The following ARHGAP42 variants were observed in gnomAD, a reference collection of about 807,000 sequenced individuals.
ARHGAP42 encodes the protein rho GTPase-activating protein 42.
Under a neutral mutation model 125.0 loss-of-function variants are expected in ARHGAP42, and 63 were observed. The ratio of observed to expected loss-of-function variants is 0.50; its 90% CI spans 0.41 to 0.62. The LOEUF (loss-of-function observed/expected upper bound fraction) is 0.62. ARHGAP42 is among the 20% of genes least tolerant of loss of function. The pLI is 0.00. For missense variants in ARHGAP42, 766 were observed against 1,024.2 expected, an observed-to-expected ratio of 0.75 and a Z score of 3.44; for synonymous variants, 339 against 351.0, an observed-to-expected ratio of 0.97 and a Z score of 0.38.
intron 3 of ARHGAP42, chr11:100,840,772 A>G (rs1864927684): frequency 6.6e-6 from 1 of 152,208 alleles, no homozygotes; most frequent in South Asian, 2.1e-4. Flanking sequence ...TCTTAATAAT[A>G]TATAGAAGTG....
chr11:100,896,529 T>C (rs1866369693), intron 4 of ARHGAP42, among the ~76,000 whole-genome samples: 1 of 152,218 alleles, frequency 6.6e-6, no homozygotes, highest in African/African-American at 2.4e-5. Context: ...ATGATTGCCA[T>C]TCTAACTGGT....
chr11:100,962,486 T>A lies in ARHGAP42; in HGVS notation c.1444+19T>A, dbSNP rs1261847137. 23 of 1,522,162 alleles carry A rather than the reference T, an allele frequency of 1.5e-5. No individual in the cohort carries two copies. The highest frequency in any genetic ancestry group is 2.8e-5 in the African/African-American group (2 of 72,416). 94.3% of individuals were successfully genotyped at this position (1,522,162 alleles called of 1,614,324 possible). A position where few individuals can be genotyped will look rare whatever the true frequency, so the allele number is the denominator to read the frequency against. ...GCTGTTAGTAAGTATACTTGCATCA[T>A]ATACACATTATAATTGATGTAGTTT... On this transcript the variant is annotated intron_variant, in intron 16 of 23. Coordinates refer to ENST00000298815, the MANE Select transcript of ARHGAP42 (RefSeq NM_152432.4).
intron 1 of ARHGAP42, among the ~76,000 whole-genome samples, chr11:100,759,566 G>GT (rs1199915646): frequency 6.6e-6 from 1 of 152,046 alleles, no homozygotes; most frequent in Non-Finnish European, 1.5e-5. Flanking sequence ...ACACAAAGAA[G>GT]TATAATAATA....
At chr11:100,690,854 C>T (rs1861177176) in intron 1 of ARHGAP42, among the ~76,000 whole-genome samples, 1 of 152,146 alleles carries the variant, frequency 6.6e-6, no homozygotes, top group African/African-American at 2.4e-5. Flanking sequence ...CCCGCCTCAG[C>T]CTCCCAAAGT....
chr11:100,899,479 G>A (rs780620128), intron 4 of ARHGAP42, among the ~76,000 whole-genome samples: 16 of 152,242 alleles, frequency 1.1e-4, no homozygotes, highest in Middle Eastern at 3.4e-3. Context: ...GGGAGTCTAA[G>A]TCTCTTTGTA....
intron 4 of ARHGAP42, among the ~76,000 whole-genome samples, chr11:100,872,639 C>T (rs1386118450): frequency 1.3e-5 from 2 of 152,042 alleles, no homozygotes; most frequent in Admixed American, 6.6e-5. Flanking sequence ...GTGATTTGTC[C>T]GCCTCAGCCT....
chr11:100,922,380 A>AT (rs1420426965), intron 6 of ARHGAP42, among the ~76,000 whole-genome samples: 3 of 152,012 alleles, frequency 2.0e-5, no homozygotes, highest in Non-Finnish European at 4.4e-5. Context: ...ATTTTTTAGC[A>AT]TTTTTTTCAA....
chr11:100,891,866 A>C lies in ARHGAP42; in HGVS notation c.385-21586A>C, dbSNP rs116731994. Among the ~76,000 whole-genome samples, 497 of 152,280 alleles carry C rather than the reference A, an allele frequency of 3.3e-3. 4 individuals carry two copies. Among genetic ancestry groups the C allele is most frequent in the African/African-American group, 0.011 (462 of 41,560 alleles). On this transcript the variant is annotated intron_variant, in intron 4 of 23. Coordinates refer to ENST00000298815, the MANE Select transcript of ARHGAP42 (RefSeq NM_152432.4). ...TGTGGACATAAAGGGCACTTGATCT[A>C]ATGTGGAAGTCCAGTCTCTGGAAAG... is the stretch of plus-strand genomic sequence containing the variant.
intron 10 of ARHGAP42, among the ~76,000 whole-genome samples, chr11:100,946,787 T>C (rs948502289): frequency 6.6e-6 from 1 of 151,956 alleles, no homozygotes; most frequent in African/African-American, 2.4e-5. Flanking sequence ...ATTCCAAATA[T>C]TGCAAGAATC....
Position 100,948,299 on chromosome 11 carries a change from C to T in ARHGAP42, c.1044-158C>T, listed in dbSNP as rs190952077. 5.9e-5 allele frequency among the ~76,000 whole-genome samples: 9 copies of T among 152,176 alleles called. No individual in the cohort carries two copies. In the East Asian group the frequency reaches 1.5e-3, roughly 26 times the overall value. On this transcript the variant is annotated intron_variant, in intron 10 of 23. Transcript: ENST00000298815. ...TGATTTTTCTGAAAGTATTATACTT[C>T]AGTCTTTTTCTTTTTTAGAAAAATT... is the stretch of plus-strand genomic sequence containing the variant.
At chr11:100,732,900 A>G (rs1591135072) in intron 1 of ARHGAP42, among the ~76,000 whole-genome samples, 1 of 152,338 alleles carries the variant, frequency 6.6e-6, no homozygotes, top group East Asian at 1.9e-4. Context: ...TTATTCTACT[A>G]ATTATTCAAC....
chr11:100,762,878 C>T (rs370126919), intron 1 of ARHGAP42, among the ~76,000 whole-genome samples: 10 of 151,700 alleles, frequency 6.6e-5, no homozygotes, highest in African/African-American at 2.4e-4. Context: ...CAGTACATTA[C>T]TCTGCTGTGT....
chr11:100,897,997 T>A (rs1341820025), intron 4 of ARHGAP42, among the ~76,000 whole-genome samples: 1 of 152,194 alleles, frequency 6.6e-6, no homozygotes, highest in Non-Finnish European at 1.5e-5. Context: ...TAGCACTTAT[T>A]ATTTTGAGAT....
intron 1 of ARHGAP42, among the ~76,000 whole-genome samples, chr11:100,729,867 A>G (rs550660380): frequency 6.7e-6 from 1 of 149,544 alleles, no homozygotes; most frequent in East Asian, 2.0e-4. Context: ...TTGGAGTGCA[A>G]TGGTGTGATC....
intron 1 of ARHGAP42, among the ~76,000 whole-genome samples, chr11:100,722,393 C>CTTTTTTTTT (rs199744764): frequency 2.2e-5 from 3 of 135,170 alleles, no homozygotes; most frequent in Non-Finnish European, 4.8e-5. Flanking sequence ...AAATTTATTA[C>CTTTTTTTTT]TTTTTTTTTT....
intron 22 of ARHGAP42, among the ~76,000 whole-genome samples, chr11:100,987,093 T>G (rs1377018347): frequency 2.0e-5 from 3 of 152,280 alleles, no homozygotes; most frequent in East Asian, 3.9e-4. Context: ...AGCCTTTCAA[T>G]TTTTGGATCT....
intron 16 of ARHGAP42, among the ~76,000 whole-genome samples, chr11:100,962,994 T>C (rs1205629219): frequency 2.0e-5 from 3 of 152,224 alleles, no homozygotes; most frequent in Non-Finnish European, 2.9e-5. Context: ...TGAGACCTCA[T>C]TGGGTAAGTG....
chr11:100,891,143 A>G (rs776724184), intron 4 of ARHGAP42, among the ~76,000 whole-genome samples: 18 of 152,288 alleles, frequency 1.2e-4, no homozygotes, highest in Non-Finnish European at 2.1e-4. Context: ...ATTGCCAAAA[A>G]CATGGCTTTG....
chr11:100,954,043 C>T (rs1857736655), intron 12 of ARHGAP42, among the ~76,000 whole-genome samples: 1 of 148,772 alleles, frequency 6.7e-6, no homozygotes, highest in African/African-American at 2.5e-5. Flanking sequence ...TTTCCTGCCC[C>T]AAGACCTCCA....
Sources: allele counts gnomAD v4.1 joint callset (sites outside exome capture counted in the v4.1 genomes callset), GRCh38; gene constraint gnomAD v4.1.1; transcripts MANE v1.5; gene names NCBI Gene and HGNC (gene_info 2026-07-23, HGNC 2026-07-21).